Variants in LEKR1 observed in about 807,000 individuals in gnomAD.
LEKR1 encodes the protein leucine, glutamate and lysine rich 1, also known as protein LEKR1.
In LEKR1, 59 loss-of-function variants were observed where a neutral mutation model predicts 72.4. The observed-to-expected ratio is 0.82, with a 90% confidence interval of 0.66 to 1.01. The LOEUF (loss-of-function observed/expected upper bound fraction) is 1.01, where lower values mean the gene tolerates loss of function less well. LEKR1 is among the 50% of genes least tolerant of loss of function. The probability of loss-of-function intolerance (pLI) is 0.00; values close to 1 mark genes in which losing one functional copy is unlikely to be tolerated. For missense variants in LEKR1, 728 were observed against 759.2 expected (o/e 0.96, Z 0.48); for synonymous variants, 257 against 263.2 (o/e 0.98, Z 0.23).
chr3:157,006,315 A>C (rs1732436295), intron 9 of LEKR1, among the ~76,000 whole-genome samples: 1 of 152,230 alleles, frequency 6.6e-6, no homozygotes, highest in African/African-American at 2.4e-5. Flanking sequence ...ACTACTATAC[A>C]TTTTTAGAAC....
intron 4 of LEKR1, among the ~76,000 whole-genome samples, chr3:156,922,291 A>G (rs1023396825): frequency 3.9e-5 from 6 of 152,144 alleles, no homozygotes; most frequent in Admixed American, 3.3e-4. Flanking sequence ...AGCTGATTTT[A>G]AGCTAGATTA....
At chr3:156,885,766 C>G (rs1230157744) in intron 3 of LEKR1, among the ~76,000 whole-genome samples, 2 of 152,222 alleles carry the variant, frequency 1.3e-5, no homozygotes, top group African/African-American at 4.8e-5. Flanking sequence ...GTGAAGCTGT[C>G]ACATGGATAC....
intron 3 of LEKR1, among the ~76,000 whole-genome samples, chr3:156,915,568 T>C (rs1383691107): frequency 6.6e-6 from 1 of 152,140 alleles, no homozygotes; most frequent in East Asian, 1.9e-4. Context: ...TTTTGAGAAG[T>C]GTCTGTTCAT....
chr3:156,876,347 G>A (rs1226295268), intron 3 of LEKR1, among the ~76,000 whole-genome samples: 2 of 152,096 alleles, frequency 1.3e-5, no homozygotes, highest in Admixed American at 1.3e-4. Context: ...TTTTAAGATT[G>A]TTTTTTCTAG....
intron 3 of LEKR1, among the ~76,000 whole-genome samples, chr3:156,855,844 T>G (rs1469953736): frequency 6.6e-6 from 1 of 152,002 alleles, no homozygotes; most frequent in Non-Finnish European, 1.5e-5. Context: ...TTCACTCAAC[T>G]TTTTTTTCCT....
intron 6 of LEKR1, among the ~76,000 whole-genome samples, chr3:156,961,332 A>G (rs1728114115): frequency 6.6e-6 from 1 of 152,226 alleles, no homozygotes; most frequent in Non-Finnish European, 1.5e-5. Flanking sequence ...AGTGGTTTTT[A>G]GGATATTTGC....
intron 3 of LEKR1, among the ~76,000 whole-genome samples, chr3:156,919,622 G>A (rs1277836689): frequency 2.0e-5 from 3 of 152,012 alleles, no homozygotes; most frequent in Non-Finnish European, 2.9e-5. Context: ...TGTTTTCTTG[G>A]CAACCAATAT....
chr3:156,992,636 C>A lies in LEKR1; in HGVS notation c.828-17C>A, dbSNP rs775749641. The A allele has an allele frequency of 7.3e-6, 4 of 549,092 alleles. No individual in the cohort carries two copies. The South Asian group carries it at 1.0e-4, about 14-fold the overall frequency. The allele number at this position is 549,092 out of a possible 1,614,324, so 34.0% of individuals were successfully genotyped here. On this transcript the variant is annotated splice_polypyrimidine_tract_variant and intron_variant, in intron 7 of 12. Transcript: ENST00000356539. ...ATTTTGAAATAATATATTTTAACTT[C>A]TTTTGTATTATTTTAGGAATAAATC...
intron 9 of LEKR1, among the ~76,000 whole-genome samples, chr3:157,001,083 G>T (rs1253801845): frequency 6.6e-6 from 1 of 152,250 alleles, no homozygotes. Flanking sequence ...GCTGAACTTT[G>T]AGTCAATTAA....
intron 3 of LEKR1, among the ~76,000 whole-genome samples, chr3:156,903,924 G>A (rs1253925011): frequency 3.3e-5 from 5 of 152,150 alleles, no homozygotes; most frequent in African/African-American, 1.2e-4. Context: ...GGAAACTTCT[G>A]TGGCAGTCTT....
At chr3:156,986,959 G>C (rs1012933994) in intron 7 of LEKR1, among the ~76,000 whole-genome samples, 2 of 152,114 alleles carry the variant, frequency 1.3e-5, no homozygotes, top group African/African-American at 4.8e-5. Flanking sequence ...AAGAATGGCT[G>C]TTCCATATAA....
At chr3:157,030,305 G>A (rs1241940304) in intron 12 of LEKR1, among the ~76,000 whole-genome samples, 1 of 152,142 alleles carries the variant, frequency 6.6e-6, no homozygotes, top group Non-Finnish European at 1.5e-5. Context: ...CCAACATTGA[G>A]GATTACATTT....
intron 2 of LEKR1, among the ~76,000 whole-genome samples, chr3:156,844,531 A>C (rs535480963): frequency 3.2e-4 from 48 of 151,954 alleles, no homozygotes; most frequent in Non-Finnish European, 6.0e-4. Context: ...TCTCTTCCCT[A>C]CTCCCAGTCC....
intron 12 of LEKR1, among the ~76,000 whole-genome samples, chr3:157,039,976 G>T (rs1560164938): frequency 6.6e-6 from 1 of 152,118 alleles, no homozygotes; most frequent in Non-Finnish European, 1.5e-5. Context: ...GGAAACATGG[G>T]GAGGATCAAG....
intron 6 of LEKR1, among the ~76,000 whole-genome samples, chr3:156,957,638 G>A (rs182289855): frequency 2.0e-5 from 3 of 152,014 alleles, no homozygotes; most frequent in Admixed American, 6.6e-5. Flanking sequence ...CAAAGCAAAC[G>A]TACAGTGTAG....
chr3:156,855,509 T>G (rs1184628194), intron 3 of LEKR1, among the ~76,000 whole-genome samples: 1 of 152,204 alleles, frequency 6.6e-6, no homozygotes, highest in Non-Finnish European at 1.5e-5. Context: ...TTTAATATAA[T>G]ATTGGCATTA....
At chr3:157,015,944 T>G (rs1733281456) in intron 10 of LEKR1, among the ~76,000 whole-genome samples, 2 of 152,110 alleles carry the variant, frequency 1.3e-5, no homozygotes, top group African/African-American at 4.8e-5. Flanking sequence ...TGGATTGGAT[T>G]GATGGCAGAT....
intron 3 of LEKR1, among the ~76,000 whole-genome samples, chr3:156,909,398 T>G (rs1372803543): frequency 6.6e-6 from 1 of 152,132 alleles, no homozygotes; most frequent in Non-Finnish European, 1.5e-5. Context: ...ATGCCTGCAA[T>G]CCCAGTACTT....
At chr3:156,849,972 A>G (rs919662068) in intron 2 of LEKR1, among the ~76,000 whole-genome samples, 1 of 152,178 alleles carries the variant, frequency 6.6e-6, no homozygotes, top group Non-Finnish European at 1.5e-5. Flanking sequence ...TGAACAGGCA[A>G]CCTACACAAT....
Sources: allele counts gnomAD v4.1 joint callset (sites outside exome capture counted in the v4.1 genomes callset), GRCh38; gene constraint gnomAD v4.1.1; transcripts MANE v1.5; gene names NCBI Gene and HGNC (gene_info 2026-07-23, HGNC 2026-07-21).